Variants in CHST11 observed in about 807,000 individuals in gnomAD.
The protein encoded by CHST11 is carbohydrate sulfotransferase 11, also known as C4S-1.
A neutral mutation model predicts 30.4 loss-of-function variants in CHST11; 9 were observed. The observed-to-expected ratio is 0.30, with a 90% CI of 0.18 to 0.52. The LOEUF (loss-of-function observed/expected upper bound fraction) is 0.52, where lower values mean the gene tolerates loss of function less well. Among genes scored for constraint, CHST11 ranks in the 20% least tolerant of loss-of-function variants. The pLI is 0.97. For missense variants in CHST11, 348 were observed against 460.6 expected (o/e 0.76, Z 2.24); for synonymous variants, 152 against 187.8 (o/e 0.81, Z 1.56).
chr12:104,522,830 G>A (rs1349249289), intron 1 of CHST11, among the ~76,000 whole-genome samples: 1 of 151,986 alleles, frequency 6.6e-6, no homozygotes, highest in Non-Finnish European at 1.5e-5. Context: ...TGAATCCTCA[G>A]CCACATTTGG....
At chr12:104,537,759 C>G (rs1274641737) in intron 1 of CHST11, among the ~76,000 whole-genome samples, 1 of 147,662 alleles carries the variant, frequency 6.8e-6, no homozygotes, top group Non-Finnish European at 1.5e-5. Flanking sequence ...GCAGTGATGC[C>G]ATCATGGCTC....
chr12:104,746,129 A>G (rs2040387316), intron 2 of CHST11, among the ~76,000 whole-genome samples: 1 of 152,196 alleles, frequency 6.6e-6, no homozygotes, highest in Non-Finnish European at 1.5e-5. Flanking sequence ...CAGGTCCTCA[A>G]TTCCCTAATG....
At chr12:104,515,349 A>C (rs1048285164) in intron 1 of CHST11, among the ~76,000 whole-genome samples, 3 of 152,180 alleles carry the variant, frequency 2.0e-5, no homozygotes, top group Non-Finnish European at 2.9e-5. Context: ...TACAGGAAAA[A>C]ATGTGCCAGC....
rs979220241 is a variant in CHST11 at position 104,640,884 on chromosome 12, G to A, written c.204+38893G>A. On this transcript the variant is annotated intron_variant, in intron 2 of 2. Transcript: ENST00000303694. Reference sequence around the variant, plus strand: ...CCCTCAAGCTGAAAAGCCTAATACTGTAGCCCAAAGTGAGACCTTACATCC... The same window carrying A: ...CCCTCAAGCTGAAAAGCCTAATACTATAGCCCAAAGTGAGACCTTACATCC... Among the ~76,000 whole-genome samples the A allele has an allele frequency of 2.6e-5, 4 of 152,152 alleles. No homozygotes were observed. In the South Asian group the frequency reaches 8.3e-4, roughly 32 times the overall value.
chr12:104,710,637 T>C (rs1417188649), intron 2 of CHST11, among the ~76,000 whole-genome samples: 2 of 152,192 alleles, frequency 1.3e-5, no homozygotes, highest in African/African-American at 2.4e-5. Context: ...CTCCAGCTTT[T>C]CCTTTGATGT....
intron 1 of CHST11, among the ~76,000 whole-genome samples, chr12:104,483,021 A>G (rs899415536): frequency 4.6e-5 from 7 of 152,134 alleles, no homozygotes; most frequent in Admixed American, 1.3e-4. Context: ...CCTTGGCTCT[A>G]CTTAAGAACA....
At chr12:104,733,045 G>A (rs779990337) in intron 2 of CHST11, among the ~76,000 whole-genome samples, 2 of 152,238 alleles carry the variant, frequency 1.3e-5, no homozygotes, top group African/African-American at 2.4e-5. Context: ...TGAGAGATGG[G>A]GAAACTGAGG....
intron 2 of CHST11, among the ~76,000 whole-genome samples, chr12:104,698,692 T>C (rs894604600): frequency 6.6e-6 from 1 of 152,180 alleles, no homozygotes; most frequent in Non-Finnish European, 1.5e-5. Context: ...TGTTAGAAAG[T>C]TTTTCTGCTG....
chr12:104,591,601 C>T (rs112992041), intron 1 of CHST11: 36 of 153,704 alleles, frequency 2.3e-4, no homozygotes, highest in Middle Eastern at 5.5e-4. Flanking sequence ...TTAACATATT[C>T]CATTCATAAG....
chr12:104,625,158 C>G lies in CHST11; in HGVS notation c.204+23167C>G, dbSNP rs1284066668. 5.3e-5 allele frequency among the ~76,000 whole-genome samples: 8 copies of G among 152,156 alleles called. No homozygotes were observed. The East Asian group carries it at 1.5e-3, about 29-fold the overall frequency. ...TTGTGACTAAGCAGCTATGCAAAAC[C>G]TTTTAAAGCCACTAGAATCACTGTT... is the stretch of plus-strand genomic sequence containing the variant. On this transcript the variant is annotated intron_variant, in intron 2 of 2. Coordinates refer to ENST00000303694, the MANE Select transcript of CHST11 (RefSeq NM_018413.6).
intron 2 of CHST11, among the ~76,000 whole-genome samples, chr12:104,683,844 C>A (rs61938649): frequency 0.027 from 4,160 of 152,202 alleles, 102 homozygotes; most frequent in South Asian, 0.12. Context: ...TGCATGCATT[C>A]ACATCTATGG....
chr12:104,660,851 A>G (rs2039592477), intron 2 of CHST11, among the ~76,000 whole-genome samples: 1 of 152,162 alleles, frequency 6.6e-6, no homozygotes, highest in African/African-American at 2.4e-5. Flanking sequence ...ACAGGGAAGG[A>G]GTTATAGTTA....
intron 1 of CHST11, among the ~76,000 whole-genome samples, chr12:104,564,053 G>T (rs1043900387): frequency 6.6e-6 from 1 of 152,142 alleles, no homozygotes; most frequent in African/African-American, 2.4e-5. Flanking sequence ...GGATCAGGTA[G>T]ACTCAGTCTC....
chr12:104,721,847 G>T (rs2040180055), intron 2 of CHST11, among the ~76,000 whole-genome samples: 1 of 152,300 alleles, frequency 6.6e-6, no homozygotes, highest in African/African-American at 2.4e-5. Context: ...AATATTCTGA[G>T]ATATTACTGA....
Position 104,690,581 on chromosome 12 carries a change from T to G in CHST11, c.205-66368T>G, listed in dbSNP as rs529165840. Among the ~76,000 whole-genome samples, 15 of 152,310 alleles carry G rather than the reference T, an allele frequency of 9.8e-5. No individual in the cohort carries two copies. In the South Asian group the frequency reaches 3.1e-3, roughly 32 times the overall value. On this transcript the variant is annotated intron_variant, in intron 2 of 2. Transcript: ENST00000303694. ...TGGCTCATGCCTGTAATCCCAGCAC[T>G]TTGGGAGGCCGAGGAGGGTGGATCA...
At chr12:104,705,790 A>G (rs1310576084) in intron 2 of CHST11, among the ~76,000 whole-genome samples, 2 of 152,008 alleles carry the variant, frequency 1.3e-5, no homozygotes, top group Non-Finnish European at 2.9e-5. Context: ...TCATAGTGGT[A>G]TGCGCTTGTA....
At chr12:104,670,459 A>G (rs983936504) in intron 2 of CHST11, among the ~76,000 whole-genome samples, 8 of 112,526 alleles carry the variant, frequency 7.1e-5, no homozygotes, top group Admixed American at 3.1e-4. Context: ...GTGCAAGTGC[A>G]TATGTTCAGA....
chr12:104,671,105 G>A (rs915338675), intron 2 of CHST11, among the ~76,000 whole-genome samples: 1 of 152,186 alleles, frequency 6.6e-6, no homozygotes, highest in African/African-American at 2.4e-5. Context: ...GTAGAGAATG[G>A]CTAGTTTTAG....
intron 1 of CHST11, among the ~76,000 whole-genome samples, chr12:104,529,685 G>C (rs575368566): frequency 6.6e-6 from 1 of 151,930 alleles, no homozygotes. Context: ...CATCATTTCT[G>C]CATTCCAGCC....
Sources: gnomAD v4.1 joint callset for allele counts (sites outside exome capture counted in the v4.1 genomes callset) on GRCh38, gnomAD v4.1.1 for gene constraint, MANE v1.5 for transcripts, NCBI Gene and HGNC (gene_info 2026-07-23, HGNC 2026-07-21) for gene names.